CSMD1: variants seen among roughly 807,000 people sequenced by gnomAD.
CSMD1 encodes CUB and Sushi multiple domains 1, also known as CUB and sushi domain-containing protein 1.
In CSMD1, 213 loss-of-function variants were observed where a neutral mutation model predicts 417.5. The observed-to-expected ratio is 0.51, with a 90% CI of 0.46 to 0.57. The LOEUF (loss-of-function observed/expected upper bound fraction) is 0.57. CSMD1 is among the 20% of genes least tolerant of loss of function. The pLI, the probability that CSMD1 is intolerant of heterozygous loss-of-function variation, is 0.00. For missense variants in CSMD1, 6,923 were observed against 4,529.7 expected, an observed-to-expected ratio of 1.53 and a Z score of -15.17; for synonymous variants, 2,862 against 1,736.8, an observed-to-expected ratio of 1.65 and a Z score of -16.11.
At chr8:4,502,858 T>C (rs1298383911) in intron 2 of CSMD1, among the ~76,000 whole-genome samples, 1 of 152,124 alleles carries the variant, frequency 6.6e-6, no homozygotes. Flanking sequence ...ACTCAGTTTT[T>C]CTTTTGAAAG....
At chr8:3,650,747 T>A (rs1249859693) in intron 7 of CSMD1, among the ~76,000 whole-genome samples, 1 of 152,204 alleles carries the variant, frequency 6.6e-6, no homozygotes, top group Non-Finnish European at 1.5e-5. Context: ...TTCTTCAGCA[T>A]TTCTAATGCA....
chr8:3,869,370 C>G (rs1805323751), intron 5 of CSMD1, among the ~76,000 whole-genome samples: 1 of 152,154 alleles, frequency 6.6e-6, no homozygotes, highest in Non-Finnish European at 1.5e-5. Flanking sequence ...TTATATAATA[C>G]ATAGAGACTG....
chr8:3,456,365 A>C (rs1278904154), intron 12 of CSMD1, among the ~76,000 whole-genome samples: 1 of 152,054 alleles, frequency 6.6e-6, no homozygotes, highest in Non-Finnish European at 1.5e-5. Flanking sequence ...AGAAATGCAG[A>C]AATCACCCAC....
intron 12 of CSMD1, among the ~76,000 whole-genome samples, chr8:3,452,891 G>A (rs965291754): frequency 6.6e-6 from 1 of 152,190 alleles, no homozygotes; most frequent in African/African-American, 2.4e-5. Context: ...CAGAAGGAAT[G>A]GTACCAGCTC....
At chr8:3,936,819 G>T (rs950323396) in intron 5 of CSMD1, among the ~76,000 whole-genome samples, 1 of 152,108 alleles carries the variant, frequency 6.6e-6, no homozygotes, top group Non-Finnish European at 1.5e-5. Flanking sequence ...GTTTCATAAG[G>T]CTATTGCTGC....
chr8:4,659,357 T>C (rs1448306395), intron 1 of CSMD1, among the ~76,000 whole-genome samples: 2 of 152,026 alleles, frequency 1.3e-5, no homozygotes, highest in African/African-American at 4.8e-5. Context: ...AAATGAAATA[T>C]TAAAAAGATT....
At chr8:4,186,264 T>G (rs965395386) in intron 3 of CSMD1, among the ~76,000 whole-genome samples, 21 of 152,098 alleles carry the variant, frequency 1.4e-4, no homozygotes, top group African/African-American at 5.1e-4. Flanking sequence ...GAGGGGAAAG[T>G]GTAAAATTAC....
chr8:3,149,605 G>A (rs756910460), intron 40 of CSMD1, among the ~76,000 whole-genome samples: 2 of 152,254 alleles, frequency 1.3e-5, no homozygotes, highest in East Asian at 3.9e-4. Context: ...AGCCTCCCAA[G>A]TAGTTGGGAT....
intron 2 of CSMD1, among the ~76,000 whole-genome samples, chr8:4,475,720 C>T (rs1800767164): frequency 1.3e-5 from 2 of 151,798 alleles, no homozygotes; most frequent in Admixed American, 1.3e-4. Context: ...TCAAGGGATT[C>T]TCCTGCATCA....
chr8:4,004,803 G>A (rs911743212), intron 4 of CSMD1, among the ~76,000 whole-genome samples: 1 of 152,094 alleles, frequency 6.6e-6, no homozygotes, highest in African/African-American at 2.4e-5. Flanking sequence ...GGAGTGCAGT[G>A]GCGCGATCTT....
chr8:3,628,493 CT>C (rs1796603952), intron 7 of CSMD1, among the ~76,000 whole-genome samples: 1 of 152,214 alleles, frequency 6.6e-6, no homozygotes, highest in Non-Finnish European at 1.5e-5. Flanking sequence ...TCTTGGAGAA[CT>C]TTAGCTATGA....
At chr8:4,827,844 C>A (rs954067264) in intron 1 of CSMD1, among the ~76,000 whole-genome samples, 1 of 152,140 alleles carries the variant, frequency 6.6e-6, no homozygotes, top group African/African-American at 2.4e-5. Flanking sequence ...TGTTTAAATT[C>A]TTAGTTTACT....
At chr8:4,001,414 G>T (rs539165487) in intron 4 of CSMD1, among the ~76,000 whole-genome samples, 2 of 152,238 alleles carry the variant, frequency 1.3e-5, no homozygotes, top group East Asian at 3.9e-4. Flanking sequence ...AGGTGTCTAG[G>T]GAGTTTGTAG....
intron 1 of CSMD1, among the ~76,000 whole-genome samples, chr8:4,921,887 A>C (rs567838471): frequency 6.6e-6 from 1 of 152,186 alleles, no homozygotes; most frequent in South Asian, 2.1e-4. Context: ...ATTCACTCAG[A>C]ATTGAACCTT....
chr8:3,160,295 G>C (rs1390890884), intron 38 of CSMD1, among the ~76,000 whole-genome samples: 1 of 152,010 alleles, frequency 6.6e-6, no homozygotes, highest in Non-Finnish European at 1.5e-5. Context: ...GCTCATTTTT[G>C]TATTTTTTGT....
intron 3 of CSMD1, among the ~76,000 whole-genome samples, chr8:4,052,403 C>G (rs1289721324): frequency 1.3e-5 from 2 of 152,164 alleles, no homozygotes. Flanking sequence ...ACCTATTTCT[C>G]CAAGTTCCAT....
chr8:4,928,481 A>G (rs1807024832), intron 1 of CSMD1, among the ~76,000 whole-genome samples: 1 of 152,208 alleles, frequency 6.6e-6, no homozygotes, highest in African/African-American at 2.4e-5. Flanking sequence ...TATTTATGAA[A>G]TAATTATGTG....
intron 3 of CSMD1, among the ~76,000 whole-genome samples, chr8:4,209,530 C>G (rs182332089): frequency 1.3e-5 from 2 of 152,156 alleles, no homozygotes; most frequent in Admixed American, 6.5e-5. Flanking sequence ...AAACAGGAGC[C>G]GCGTGAGATT....
chr8:3,007,869 T>A (rs947749885), intron 52 of CSMD1, among the ~76,000 whole-genome samples: 2 of 151,632 alleles, frequency 1.3e-5, no homozygotes, highest in Non-Finnish European at 2.9e-5. Context: ...CATGTATACA[T>A]ATGTAACCAA....
Sources: gnomAD v4.1 joint callset for allele counts (sites outside exome capture counted in the v4.1 genomes callset) on GRCh38, gnomAD v4.1.1 for gene constraint, MANE v1.5 for transcripts, NCBI Gene and HGNC (gene_info 2026-07-23, HGNC 2026-07-21) for gene names.